The following CDKL4 variants were observed in gnomAD, a reference collection of about 807,000 sequenced individuals.
CDKL4 encodes cyclin dependent kinase like 4, also known as cyclin-dependent kinase-like 4.
A neutral mutation model predicts 42.0 loss-of-function variants in CDKL4; 44 were observed. That is an observed-to-expected ratio of 1.05 (90% CI 0.82 to 1.35). The LOEUF (loss-of-function observed/expected upper bound fraction) is 1.35, where lower values mean the gene tolerates loss of function less well. CDKL4 is among the 40% of genes most tolerant of loss of function. The pLI is 0.00. For missense variants in CDKL4, 393 were observed against 369.9 expected (o/e 1.06, Z -0.51); for synonymous variants, 120 against 121.6 (o/e 0.99, Z 0.09).
chr2:39,210,971 T>C (rs1283095731), intron 4 of CDKL4, among the ~76,000 whole-genome samples: 2 of 152,250 alleles, frequency 1.3e-5, no homozygotes, highest in South Asian at 4.1e-4. Flanking sequence ...TCTCATGATC[T>C]TGTACTTTCT....
At chr2:39,209,725 C>G (rs1677469505) in intron 4 of CDKL4, among the ~76,000 whole-genome samples, 1 of 152,130 alleles carries the variant, frequency 6.6e-6, no homozygotes, top group Non-Finnish European at 1.5e-5. Flanking sequence ...TGCACATGGT[C>G]TCTACAGGTT....
At chr2:39,244,381 C>T (rs1265705562), upstream of CDKL4, among the ~76,000 whole-genome samples, 1 of 152,238 alleles carries the variant, frequency 6.6e-6, no homozygotes, top group African/African-American at 2.4e-5. Flanking sequence ...AGCCCGCCGG[C>T]TCTGCCGACC....
chr2:39,187,738 A>C, intron 6 of CDKL4, 29 bp from the exon 7 acceptor site: 1 of 1,509,742 alleles, frequency 6.6e-7, no homozygotes, highest in African/African-American at 1.4e-5. Context: ...ATAATTCATC[A>C]TAAATTTGGC....
At chr2:39,211,881 G>C (rs1351525401) in intron 4 of CDKL4, among the ~76,000 whole-genome samples, 1 of 152,138 alleles carries the variant, frequency 6.6e-6, no homozygotes, top group African/African-American at 2.4e-5. Flanking sequence ...GATGCGATAT[G>C]AAGTGTACAG....
intron 1 of CDKL4, among the ~76,000 whole-genome samples, chr2:39,235,080 C>T (rs1403512173): frequency 6.6e-6 from 1 of 151,992 alleles, no homozygotes; most frequent in Admixed American, 6.6e-5. Flanking sequence ...TCTTGGTTTG[C>T]TGCCCAGGGC....
In CDKL4 at chr2:39,215,655, C is replaced by T. The variant is rs115772242; in HGVS notation, c.291-2183G>A. ...AAAAATTGAACATGTGCAGATGTAG[C>T]TGACTTTACAGAACAGTGGGAAGGC... On this transcript the variant is annotated intron_variant, in intron 3 of 9. Transcript: ENST00000451199. 2.9e-3 allele frequency among the ~76,000 whole-genome samples: 440 copies of T among 152,228 alleles called. 3 individuals are homozygous for T. The highest frequency in any genetic ancestry group is 0.01 in the African/African-American group (417 of 41,524).
At chr2:39,220,441 G>C (rs1678234138) in intron 3 of CDKL4, among the ~76,000 whole-genome samples, 1 of 152,200 alleles carries the variant, frequency 6.6e-6, no homozygotes, top group South Asian at 2.1e-4. Context: ...GATTTACATA[G>C]CAAAAAGAAC....
chr2:39,178,057 G>A (rs922895582), intron 9 of CDKL4, among the ~76,000 whole-genome samples: 6 of 152,186 alleles, frequency 3.9e-5, no homozygotes, highest in Admixed American at 2.6e-4. Context: ...CTGCCTCAGC[G>A]ATCTTTAATT....
At chr2:39,235,031 C>T (rs533842598) in intron 1 of CDKL4, among the ~76,000 whole-genome samples, 7 of 152,026 alleles carry the variant, frequency 4.6e-5, no homozygotes, top group Middle Eastern at 3.4e-3. Context: ...TGGGACCACA[C>T]CTGGTTAATA....
At chr2:39,238,604 T>A (rs1041542861) in intron 1 of CDKL4, among the ~76,000 whole-genome samples, 1 of 152,212 alleles carries the variant, frequency 6.6e-6, no homozygotes, top group Non-Finnish European at 1.5e-5. Context: ...TAAAAATTTA[T>A]CTTAAATTTG....
intron 1 of CDKL4, among the ~76,000 whole-genome samples, chr2:39,240,677 T>TAAA (rs768356807): frequency 3.4e-5 from 3 of 87,936 alleles, no homozygotes; most frequent in East Asian, 3.0e-4. Flanking sequence ...AGATGAACAT[T>TAAA]AAAAAAAAAA....
intron 6 of CDKL4, among the ~76,000 whole-genome samples, chr2:39,187,923 C>G (rs1465532100): frequency 6.6e-6 from 1 of 151,594 alleles, no homozygotes; most frequent in Non-Finnish European, 1.5e-5. Context: ...CAAAAATTAG[C>G]CAAGCGTGGT....
chr2:39,235,990 T>G (rs1214098734), intron 1 of CDKL4, among the ~76,000 whole-genome samples: 2 of 151,962 alleles, frequency 1.3e-5, no homozygotes, highest in African/African-American at 4.8e-5. Context: ...AGATGTTGGA[T>G]TTAGCTGACA....
intron 5 of CDKL4, among the ~76,000 whole-genome samples, chr2:39,191,909 C>T (rs1676207060): frequency 1.3e-5 from 2 of 152,194 alleles, no homozygotes; most frequent in East Asian, 1.9e-4. Flanking sequence ...AGGTAATGGG[C>T]AATTCTCCTT....
At chr2:39,172,298 G>A (rs193128769), downstream of CDKL4, among the ~76,000 whole-genome samples, 4 of 151,494 alleles carry the variant, frequency 2.6e-5, no homozygotes. Context: ...GGCATGACAG[G>A]GTGAGACTCT....
chr2:39,221,868 G>T (rs1010085252), intron 3 of CDKL4, among the ~76,000 whole-genome samples: 1 of 152,158 alleles, frequency 6.6e-6, no homozygotes, highest in Non-Finnish European at 1.5e-5. Flanking sequence ...ACTTCCCGGG[G>T]TCAACAGATG....
chr2:39,187,604 A>C, intron 7 of CDKL4, 23 bp downstream of exon 7: 1 of 1,509,186 alleles, frequency 6.6e-7, no homozygotes, highest in Non-Finnish European at 9.1e-7. Flanking sequence ...AAGTAATAAA[A>C]TATTCAAAAC....
At chr2:39,187,920 T>C (rs1329446881) in intron 6 of CDKL4, among the ~76,000 whole-genome samples, 3 of 151,620 alleles carry the variant, frequency 2.0e-5, no homozygotes, top group Non-Finnish European at 4.4e-5. Flanking sequence ...ATACAAAAAT[T>C]AGCCAAGCGT....
At chr2:39,239,047 T>C (rs945224092) in intron 1 of CDKL4, among the ~76,000 whole-genome samples, 2 of 152,210 alleles carry the variant, frequency 1.3e-5, no homozygotes, top group East Asian at 3.8e-4. Context: ...CCACTGCGCC[T>C]GGCCCAACTG....
Sources: allele counts gnomAD v4.1 joint callset (sites outside exome capture counted in the v4.1 genomes callset), GRCh38; gene constraint gnomAD v4.1.1; transcripts MANE v1.5; gene names NCBI Gene and HGNC (gene_info 2026-07-23, HGNC 2026-07-21).